Variants in MUC6 observed in about 807,000 individuals in gnomAD.
MUC6 encodes mucin 6, oligomeric mucus/gel-forming (gene/pseudogene), also known as mucin-6.
Under a neutral mutation model 201.5 loss-of-function variants are expected in MUC6, and 188 were observed. The ratio of observed to expected loss-of-function variants is 0.93; its 90% CI spans 0.83 to 1.05. The LOEUF (loss-of-function observed/expected upper bound fraction) is 1.05, where lower values mean the gene tolerates loss of function less well. MUC6 is among the 50% of genes least tolerant of loss of function. The pLI is 0.00. For missense variants in MUC6, 2,706 were observed against 3,256.9 expected (o/e 0.83, Z 4.12); for synonymous variants, 1,228 against 1,389.4 (o/e 0.88, Z 2.58).
Position 1,030,326 on chromosome 11 carries a change from T to C in MUC6, c.902A>G (p.Gln301Arg). 1 of 1,548,298 alleles carries C rather than the reference T, an allele frequency of 6.5e-7. No homozygotes were observed. Among genetic ancestry groups the C allele is most frequent in the Non-Finnish European group, 8.7e-7 (1 of 1,146,724 alleles). ...CTGGTACACCTGGTTGGCCGGGCACTGACCCACGGCTGTGGGCACACGCGG... is the reference window on the plus strand; with the variant it reads ...CTGGTACACCTGGTTGGCCGGGCACCGACCCACGGCTGTGGGCACACGCGG... ...WRSPGLCSVG[Q>R]CPANQVYQEC... Residue 301 changes from glutamine (Q) to arginine (R), a missense_variant, in exon 8 of 33, where the codon CAG becomes CGG. Transcript: ENST00000421673.
chr11:1,031,105 C>T, intron 5 of MUC6, 49 bp from the exon 6 acceptor site: 2 of 878,904 alleles, frequency 2.3e-6, no homozygotes, highest in Non-Finnish European at 3.3e-6. Flanking sequence ...GCCTCAGAGG[C>T]CCCCCTGCCC....
chr11:1,020,451 T>C (rs1856781281), intron 28 of MUC6, among the ~76,000 whole-genome samples, 194 bp from the exon 29 acceptor site: 1 of 152,078 alleles, frequency 6.6e-6, no homozygotes, highest in African/African-American at 2.4e-5. Context: ...GGGTCACCTG[T>C]TGAGGCCCCA....
chr11:1,023,075 T>C (rs1167813838), intron 26 of MUC6, among the ~76,000 whole-genome samples: 1 of 149,774 alleles, frequency 6.7e-6, no homozygotes, highest in African/African-American at 2.5e-5. Flanking sequence ...GTGAATATGT[T>C]GAATGAGTGT....
At position 1,027,288 on chromosome 11, in the gene MUC6, A is replaced by G; in HGVS notation, c.2211T>C (p.Thr737=). The G allele has an allele frequency of 6.2e-7, 1 of 1,612,630 alleles. No individual in the cohort carries two copies. The highest frequency in any genetic ancestry group is 1.1e-5 in the South Asian group (1 of 91,084). Residue 737 remains threonine (T), a synonymous_variant, in exon 17 of 33, where the codon ACT becomes ACC. Coordinates refer to ENST00000421673, the MANE Select transcript of MUC6 (RefSeq NM_005961.3). ...CTCACCAGGTGATGCCGTTGATGAC[A>G]GTGGACTGCTCGGCCAGGATGAACT... ...GYKFILAEQS[T]VINGITCHCI... is the part of the protein sequence containing the mutation.
chr11:1,031,318 A>G (rs1857098948), intron 4 of MUC6, 59 bp from the exon 5 acceptor site: 1 of 1,463,208 alleles, frequency 6.8e-7, no homozygotes, highest in East Asian at 2.5e-5. Flanking sequence ...TCTGCTGTGG[A>G]GGGCTCTCAG....
In MUC6 at chr11:1,031,075, G is replaced by A; in HGVS notation, c.575-19C>T. 2 of 1,553,074 alleles carry A rather than the reference G, an allele frequency of 1.3e-6. No individual in the cohort carries two copies. Among genetic ancestry groups the A allele is most frequent in the Non-Finnish European group, 1.7e-6 (2 of 1,148,608 alleles). On this transcript the variant is annotated intron_variant, in intron 5 of 32. Transcript: ENST00000421673. Reference sequence around the variant, plus strand: ...AACTTGCCTGGGGTGCAGAATGGGGGTCAGCACCGTGGGGGCTGGGCCTCA... The same window carrying A: ...AACTTGCCTGGGGTGCAGAATGGGGATCAGCACCGTGGGGGCTGGGCCTCA...
At position 1,033,178 on chromosome 11, in the gene MUC6, T is replaced by C. The variant is rs749726188; in HGVS notation, c.53-103A>G. 1 of 1,180,162 alleles carries C rather than the reference T, an allele frequency of 8.5e-7. No individual in the cohort carries two copies. 73.1% of individuals were successfully genotyped at this position (1,180,162 alleles called of 1,614,324 possible). A position where few individuals can be genotyped will look rare whatever the true frequency, so the allele number is the denominator to read the frequency against. On this transcript the variant is annotated intron_variant, in intron 1 of 32. Coordinates refer to ENST00000421673, the MANE Select transcript of MUC6 (RefSeq NM_005961.3). This position sits in a 1 kb window ranked among gnomAD's most constrained non-coding sequence, Gnocchi z 5.6. Reference sequence around the variant, plus strand: ...GCTCCGCCCGTTTCCCTGCACACACTCGGCGTGCGAGAAGTGTCCATGGCC... The same window carrying C: ...GCTCCGCCCGTTTCCCTGCACACACCCGGCGTGCGAGAAGTGTCCATGGCC...
In MUC6 at chr11:1,025,820, G is replaced by C; in HGVS notation, c.2784C>G (p.Ile928Met). The C allele has an allele frequency of 6.2e-7, 1 of 1,612,406 alleles. No homozygotes were observed. Among genetic ancestry groups the C allele is most frequent in the Non-Finnish European group, 8.5e-7 (1 of 1,179,644 alleles). Residue 928 changes from isoleucine (I) to methionine (M), a missense_variant, in exon 22 of 33, where the codon ATC becomes ATG. By Grantham distance (10) the Ile-to-Met change is conservative (BLOSUM62 1). This residue lies in a region of MUC6 where 1,850 missense variants were observed against 1,958.3 expected (regional missense o/e 0.94). Coordinates refer to ENST00000421673, the MANE Select transcript of MUC6 (RefSeq NM_005961.3). Reference sequence around the variant, plus strand: ...GGCTGCTCACCCCCAGGAAGATCTTGATGGCCCGTGAGCATGTGACCCCGG... The same window carrying C: ...GGCTGCTCACCCCCAGGAAGATCTTCATGGCCCGTGAGCATGTGACCCCGG... ...GNSGVTCSRA[I>M]KIFLGGLSVV...
intron 8 of MUC6, 125 bp from the exon 9 acceptor site, chr11:1,029,740 A>G: frequency 7.7e-7 from 1 of 1,293,280 alleles, no homozygotes; most frequent in Non-Finnish European, 1.0e-6. Context: ...GCCTGGCTCC[A>G]GGGAGACGCC....
intron 30 of MUC6, among the ~76,000 whole-genome samples, 200 bp from the exon 31 acceptor site, chr11:1,018,970 C>T (rs1856747510): frequency 6.6e-6 from 1 of 152,182 alleles, no homozygotes; most frequent in African/African-American, 2.4e-5. Context: ...CCCTGAGCTG[C>T]GTGCTGACTC....
intron 16 of MUC6, 24 bp from the exon 17 acceptor site, chr11:1,027,541 C>T (rs1856993720): frequency 1.9e-6 from 3 of 1,611,098 alleles, no homozygotes; most frequent in African/African-American, 1.3e-5. Context: ...GGGCATCAGA[C>T]TCTCCGGGAG....
At chr11:1,028,846 G>A (rs762063647) in intron 12 of MUC6, 43 bp downstream of exon 12, 11 of 1,609,800 alleles carry the variant, frequency 6.8e-6, no homozygotes, top group South Asian at 4.4e-5. Context: ...AGCCCGCCCC[G>A]AAGGCACAAC....
Position 1,013,044 on chromosome 11 carries a change from A to C in MUC6, c.*412T>G. On this transcript the variant is annotated 3_prime_UTR_variant, in exon 33 of 33. Transcript: ENST00000421673. ...CTGGGCCTCTTGCCCCCATCTCGGC[A>C]CAGGTTTCCGTGCCCTCCTCGCCCC... The C allele has an allele frequency of 5.4e-6, 1 of 185,472 alleles. No homozygotes were observed. The highest frequency in any genetic ancestry group is 1.1e-5 in the Non-Finnish European group (1 of 89,932). The allele number at this position is 185,472 out of a possible 1,614,324, so 11.5% of individuals were successfully genotyped here.
In MUC6 at chr11:1,019,354, C is replaced by T. The variant is rs907996487; in HGVS notation, c.3951G>A (p.Thr1317=). The T allele has an allele frequency of 1.7e-5, 28 of 1,613,704 alleles. 1 individual carries two copies. The highest frequency in any genetic ancestry group is 4.4e-5 in the South Asian group (4 of 91,078). The part of the protein sequence containing the change: ...RATASTASPA[T]TSTAQSTTRT... Reference sequence around the variant, plus strand: ...GTGTTGTGGACTGAGCTGTGGACGTCGTGGCTGGGCTGGCGGTCGACGCCG... The same window carrying T: ...GTGTTGTGGACTGAGCTGTGGACGTTGTGGCTGGGCTGGCGGTCGACGCCG... Residue 1317 remains threonine (T), a synonymous_variant, in exon 30 of 33, where the codon ACG becomes ACA. Transcript: ENST00000421673.
chr11:1,018,360 T>C lies in MUC6; in HGVS notation c.4441A>G (p.Thr1481Ala). The change falls in exon 31 of 33, where the codon ACA becomes GCA. Residue 1481 changes from threonine to alanine, a missense_variant. Physicochemically the swap from Thr to Ala is moderately conservative, Grantham distance 58. This residue lies in a region of MUC6 where 128 missense variants were observed against 206.5 expected (regional missense o/e 0.62). Coordinates refer to ENST00000421673, the MANE Select transcript of MUC6 (RefSeq NM_005961.3). Reference protein sequence around the residue: ...ATSASNHSAPTGTIPPPTTLK... With the variant: ...ATSASNHSAPAGTIPPPTTLK... ...GTTGTTGGTGGAGGAATGGTACCTG[T>C]TGGCGCTGAGTGGTTGGAGGCAGAT... The C allele has an allele frequency of 6.2e-7, 1 of 1,613,794 alleles. No homozygotes were observed. Among genetic ancestry groups the C allele is most frequent in the Non-Finnish European group, 8.5e-7 (1 of 1,179,764 alleles).
rs770339010 is a variant in MUC6, at chr11:1,018,774, TG to T, written c.4031-5del. The T allele has an allele frequency of 1.3e-6, 2 of 1,553,504 alleles. No homozygotes were observed. The highest frequency in any genetic ancestry group is 1.7e-6 in the Non-Finnish European group (2 of 1,154,412). On this transcript the variant is annotated splice_polypyrimidine_tract_variant and splice_region_variant and intron_variant, in intron 30 of 32. Transcript: ENST00000421673. ...AGTTCCTGATTGGTCGATTTTGCTG[TG>T]GGAATTGGTGAAGTTGTCATCGTTA...
rs534807138 is a variant in MUC6, at chr11:1,029,364, C to A, written c.1139G>T (p.Arg380Leu). 2.0e-5 allele frequency: 32 copies of A among 1,595,734 alleles called. No individual in the cohort carries two copies. The highest frequency in any genetic ancestry group is 2.7e-5 in the Non-Finnish European group (32 of 1,171,434). Residue 380 changes from arginine to leucine, a missense_variant and splice_region_variant, in exon 10 of 33, where the codon CGG becomes CTG. Arg to Leu is a moderately radical substitution (Grantham distance 102). Transcript: ENST00000421673. Reference sequence around the variant, plus strand: ...GCACACCCAGCGGCCCAGGGTGCACCGGCTGTGGGTGGGCGTGGGGGTAGC... The same window carrying A: ...GCACACCCAGCGGCCCAGGGTGCACAGGCTGTGGGTGGGCGTGGGGGTAGC... ...EVTIAACQTC[R>L]CTLGRWVCTE...
At position 1,028,914 on chromosome 11, in the gene MUC6, T is replaced by A; in HGVS notation, c.1428A>T (p.Glu476Asp). ...SQDEVVTNNG[E>D]AKWLPYKTRN... ...GAGTCTTGTATGGCAGCCACTTGGC[T>A]TCTCCGTTGTTGGTGACCACCTCGT... Residue 476 changes from glutamate (E) to aspartate (D), a missense_variant, in exon 12 of 33, where the codon GAA (glutamate) becomes GAT (aspartate). By Grantham distance (45) the Glu-to-Asp change is conservative. Around this residue, in one of 10 missense-constraint regions of MUC6, gnomAD observed 1,850 missense variants for 1,958.3 expected, o/e 0.94. Coordinates refer to ENST00000421673, the MANE Select transcript of MUC6 (RefSeq NM_005961.3). 3 of 1,612,918 alleles carry A rather than the reference T, an allele frequency of 1.9e-6. No homozygotes were observed. The South Asian group carries it at 3.3e-5, about 18-fold the overall frequency.
Position 1,018,686 on chromosome 11 carries a change from G to A in MUC6, c.4115C>T (p.Pro1372Leu). Reference sequence around the variant, plus strand: ...GGGTTGTCCTGGCTGTGGGGTGGTTGGGCCTGTGGTGCTTGCTGGGGTTGG... The same window carrying A: ...GGGTTGTCCTGGCTGTGGGGTGGTTAGGCCTGTGGTGCTTGCTGGGGTTGG... ...PRPTPASTTGPTTPQPGQPTR... is the reference protein window; with the variant it reads ...PRPTPASTTGLTTPQPGQPTR... Residue 1372 changes from proline to leucine, a missense_variant, in exon 31 of 33, where the codon CCA becomes CTA. Transcript: ENST00000421673. The A allele has an allele frequency of 1.9e-6, 3 of 1,611,260 alleles. No individual in the cohort carries two copies. The Middle Eastern group carries it at 5.0e-4, about 267-fold the overall frequency.
Sources: gnomAD v4.1 joint callset for allele counts (sites outside exome capture counted in the v4.1 genomes callset) on GRCh38, gnomAD v4.1.1 for gene constraint, gnomAD v4.1.1 regional missense constraint, Gnocchi (gnomAD v3.1) non-coding constraint, MANE v1.5 for transcripts, NCBI Gene and HGNC (gene_info 2026-07-23, HGNC 2026-07-21) for gene names.